Variants in CD300LF observed in about 807,000 individuals in gnomAD.
CD300LF encodes the protein CD300 molecule like family member f.
A neutral mutation model predicts 32.2 loss-of-function variants in CD300LF; 27 were observed. The observed-to-expected ratio is 0.84, with a 90% CI of 0.62 to 1.15. The LOEUF (loss-of-function observed/expected upper bound fraction) is 1.15. CD300LF is among the 50% of genes most tolerant of loss of function. The pLI, the probability that CD300LF is intolerant of heterozygous loss-of-function variation, is 0.00. For synonymous variants in CD300LF, 139 were observed against 143.2 expected (o/e 0.97, Z 0.21); for missense variants, 348 against 356.8 (o/e 0.98, Z 0.20).
In CD300LF at chr17:74,704,596, G is replaced by T. The variant is rs767531537; in HGVS notation, c.264C>A (p.Asn88Lys). Residue 88 changes from asparagine to lysine, a missense_variant, in exon 2 of 7, where the codon AAC becomes AAA. Coordinates refer to ENST00000326165, the MANE Select transcript of CD300LF (RefSeq NM_139018.5). Reference sequence around the variant, plus strand: ...CCTCCATGGTCACAGTGAACGTGCGGTTTTTCTGATTGTCCTTGATGGACA... The same window carrying T: ...CCTCCATGGTCACAGTGAACGTGCGTTTTTTCTGATTGTCCTTGATGGACA... ...DRVSIKDNQK[N>K]RTFTVTMEDL... 6.2e-6 allele frequency: 10 copies of T among 1,614,066 alleles called. No homozygotes were observed. Among genetic ancestry groups the T allele is most frequent in the Admixed American group, 5.0e-5 (3 of 60,002 alleles).
chr17:74,706,352 T>C (rs546081183), intron 1 of CD300LF, among the ~76,000 whole-genome samples: 4 of 151,080 alleles, frequency 2.6e-5, no homozygotes, highest in African/African-American at 9.7e-5. Flanking sequence ...CCTTTTTTTT[T>C]TTTTTAAGTA....
At chr17:74,695,944 C>G in intron 5 of CD300LF, 85 bp from the exon 6 acceptor site, 1 of 1,477,212 alleles carries the variant, frequency 6.8e-7, no homozygotes, top group Non-Finnish European at 9.2e-7. Context: ...GGACGAGAGC[C>G]TCTCCACTTC....
At chr17:74,711,083 G>A (rs190556127) in intron 1 of CD300LF, among the ~76,000 whole-genome samples, 27 of 152,154 alleles carry the variant, frequency 1.8e-4, no homozygotes, top group Admixed American at 1.3e-3. Context: ...ACAAACTTCC[G>A]GATGGGTATT....
chr17:74,695,050 G>T lies in CD300LF; in HGVS notation c.*46C>A. On this transcript the variant is annotated 3_prime_UTR_variant, in exon 7 of 7. Transcript: ENST00000326165. ...AGGGGGCAGACGGTCGATGAGGCAG[G>T]AGTGTGCTCACAGCCTGGGGTCCAA... 6.3e-7 allele frequency: 1 copy of T among 1,586,498 alleles called. No homozygotes were observed. The highest frequency in any genetic ancestry group is 1.7e-4 in the Middle Eastern group (1 of 5,828).
intron 1 of CD300LF, among the ~76,000 whole-genome samples, chr17:74,707,813 A>G (rs897952658): frequency 7.2e-5 from 11 of 152,228 alleles, no homozygotes; most frequent in African/African-American, 2.4e-4. Flanking sequence ...TATAATAATA[A>G]AAGGATATTT....
At chr17:74,698,158 C>T (rs924982423) in intron 4 of CD300LF, among the ~76,000 whole-genome samples, 4 of 152,188 alleles carry the variant, frequency 2.6e-5, no homozygotes, top group Non-Finnish European at 4.4e-5. Flanking sequence ...GACGGAGGTG[C>T]AGGGCAGGCG....
At chr17:74,696,397 C>T (rs1198978605) in intron 4 of CD300LF, among the ~76,000 whole-genome samples, 180 bp from the exon 5 acceptor site, 1 of 152,178 alleles carries the variant, frequency 6.6e-6, no homozygotes, top group East Asian at 1.9e-4. Context: ...CGTCATGTCA[C>T]CTCTCTGACC....
At chr17:74,697,899 G>A (rs530439449) in intron 4 of CD300LF, among the ~76,000 whole-genome samples, 1 of 152,234 alleles carries the variant, frequency 6.6e-6, no homozygotes, top group African/African-American at 2.4e-5. Context: ...ATGCACTGTG[G>A]GATCCATGCA....
intron 5 of CD300LF, 116 bp from the exon 6 acceptor site, chr17:74,695,975 T>G (rs2032428329): frequency 7.4e-7 from 1 of 1,344,846 alleles, no homozygotes; most frequent in Non-Finnish European, 1.0e-6. Context: ...CCTCTCCCAT[T>G]TCCCTCCGTG....
Position 74,704,630 on chromosome 17 carries a change from C to G in CD300LF, c.230G>C (p.Arg77Thr). The G allele has an allele frequency of 6.2e-7, 1 of 1,614,204 alleles. No homozygotes were observed. Among genetic ancestry groups the G allele is most frequent in the South Asian group, 1.1e-5 (1 of 91,084 alleles). ...KTSGSEQEVK[R>T]DRVSIKDNQK... ...ATTGTCCTTGATGGACACCCGGTCCCTCTTCACCTCCTGCTCTGACCCACT... is the reference window on the plus strand; with the variant it reads ...ATTGTCCTTGATGGACACCCGGTCCGTCTTCACCTCCTGCTCTGACCCACT... Residue 77 changes from arginine to threonine, a missense_variant, in exon 2 of 7, where the codon AGG (arginine) becomes ACG (threonine). Coordinates refer to ENST00000326165, the MANE Select transcript of CD300LF (RefSeq NM_139018.5).
intron 3 of CD300LF, among the ~76,000 whole-genome samples, chr17:74,700,688 G>C (rs2032966674): frequency 6.6e-6 from 1 of 152,074 alleles, no homozygotes; most frequent in African/African-American, 2.4e-5. Flanking sequence ...GGAGGCGTAG[G>C]TTGCAGTGAG....
rs570521560 is a variant in CD300LF at position 74,708,915 on chromosome 17, CAA to C, written c.43+3907_43+3908del. The stretch of plus-strand genomic sequence containing the variant: ...TGGGCGACAGAGCAAGACTCCGTCT[CAA>C]AAAAAAAAAGGAAAATCAATAAGGA... On this transcript the variant is annotated intron_variant, in intron 1 of 6. Transcript: ENST00000326165. Among the ~76,000 whole-genome samples, 6 of 125,202 alleles carry C rather than the reference CAA, an allele frequency of 4.8e-5. No individual in the cohort carries two copies. In the South Asian group the frequency reaches 1.3e-3, roughly 27 times the overall value. The allele number at this position is 125,202 out of a possible 152,430, so 82.1% of individuals were successfully genotyped here. A position where few individuals can be genotyped will look rare whatever the true frequency, so the allele number is the denominator to read the frequency against.
At chr17:74,698,292 G>T in intron 4 of CD300LF, 77 bp downstream of exon 4, 2 of 1,001,838 alleles carry the variant, frequency 2.0e-6, no homozygotes, top group Non-Finnish European at 3.1e-6. Context: ...GTAATCCCTT[G>T]GACCAGATAG....
intron 3 of CD300LF, among the ~76,000 whole-genome samples, chr17:74,702,552 CAG>C (rs967296772): frequency 6.6e-6 from 1 of 152,094 alleles, no homozygotes; most frequent in African/African-American, 2.4e-5. Flanking sequence ...TAATAGTAAT[CAG>C]AGGAAAATTA....
At chr17:74,698,680 G>T in intron 3 of CD300LF, 199 bp from the exon 4 acceptor site, 1 of 1,353,298 alleles carries the variant, frequency 7.4e-7, no homozygotes, top group South Asian at 1.6e-5. Context: ...GAAGGGAATG[G>T]AACAAGAGAC....
intron 1 of CD300LF, among the ~76,000 whole-genome samples, chr17:74,710,124 G>A (rs999323902): frequency 3.3e-5 from 5 of 152,062 alleles, no homozygotes; most frequent in East Asian, 3.9e-4. Flanking sequence ...GACTACAGGC[G>A]CCCACCACCA....
intron 4 of CD300LF, among the ~76,000 whole-genome samples, chr17:74,697,403 A>T (rs1306142165): frequency 6.6e-6 from 1 of 152,214 alleles, no homozygotes; most frequent in African/African-American, 2.4e-5. Context: ...ATGCTGGAGA[A>T]CACAGAAAGC....
chr17:74,704,574 C>T lies in CD300LF; in HGVS notation c.286G>A (p.Glu96Lys). ...TCAGCATCAGTTTTCATGAGATCCT[C>T]CATGGTCACAGTGAACGTGCGGTTT... Reference protein sequence around the residue: ...QKNRTFTVTMEDLMKTDADTY... With the variant: ...QKNRTFTVTMKDLMKTDADTY... Residue 96 changes from glutamate to lysine, a missense_variant, in exon 2 of 7, where the codon GAG (glutamate) becomes AAG (lysine). Physicochemically the swap from Glu to Lys is moderately conservative, Grantham distance 56. Transcript: ENST00000326165. 1 of 1,614,186 alleles carries T rather than the reference C, an allele frequency of 6.2e-7. No homozygotes were observed. The highest frequency in any genetic ancestry group is 1.1e-5 in the South Asian group (1 of 91,086).
chr17:74,697,523 C>T (rs1429216164), intron 4 of CD300LF, among the ~76,000 whole-genome samples: 3 of 152,210 alleles, frequency 2.0e-5, no homozygotes, highest in African/African-American at 7.2e-5. Context: ...GAGAGTCAGG[C>T]TCCCCTCTTC....
Sources: allele counts gnomAD v4.1 joint callset (sites outside exome capture counted in the v4.1 genomes callset), GRCh38; gene constraint gnomAD v4.1.1; transcripts MANE v1.5; gene names NCBI Gene and HGNC (gene_info 2026-07-23, HGNC 2026-07-21).